DCC: variants seen among roughly 807,000 people sequenced by gnomAD.
DCC encodes DCC netrin 1 receptor, also known as netrin receptor DCC.
A neutral mutation model predicts 172.5 loss-of-function variants in DCC; 58 were observed. That is an observed-to-expected ratio of 0.34 (90% confidence interval 0.27 to 0.42). The LOEUF (loss-of-function observed/expected upper bound fraction) is 0.42. Ranked by LOEUF, DCC falls within the 10% of genes least tolerant of loss-of-function variation. DCC has a pLI of 1.00. For missense variants in DCC, 1,740 were observed against 1,791.0 expected (o/e 0.97, Z 0.51); for synonymous variants, 709 against 644.5 (o/e 1.10, Z -1.52).
intron 12 of DCC, among the ~76,000 whole-genome samples, chr18:53,226,950 T>TA (rs1568377335): frequency 0.13 from 866 of 6,788 alleles, 25 homozygotes; most frequent in Admixed American, 0.32. Flanking sequence ...ATATATATAT[T>TA]TTTTTTTTTT....
intron 1 of DCC, among the ~76,000 whole-genome samples, chr18:52,352,961 C>G (rs750660280): frequency 6.6e-6 from 1 of 152,170 alleles, no homozygotes; most frequent in Non-Finnish European, 1.5e-5. Context: ...GAATACTGCT[C>G]TAGATGACTG....
chr18:53,297,798 C>T (rs183971088), intron 12 of DCC, among the ~76,000 whole-genome samples: 1 of 152,146 alleles, frequency 6.6e-6, no homozygotes, highest in Non-Finnish European at 1.5e-5. Context: ...TAATTTGGAG[C>T]CTCCAGCTGT....
chr18:52,703,967 T>C (rs77925948), intron 1 of DCC, among the ~76,000 whole-genome samples: 1,979 of 152,204 alleles, frequency 0.013, 35 homozygotes, highest in African/African-American at 0.045. Flanking sequence ...AAACTTGAAA[T>C]TGAGACACTG....
chr18:53,391,707 G>GGTCCCAGATCTCTCCACCCCC lies in DCC; in HGVS notation c.2509_2529dup (p.Val837_Pro843dup). Reference sequence around the variant, plus strand: ...CTTTGCTTGATGATTTCCCCACCTCGGTCCCAGATCTCTCCACCCCCATGC... The same window carrying GGTCCCAGATCTCTCCACCCCC: ...CTTTGCTTGATGATTTCCCCACCTCGGTCCCAGATCTCTCCACCCCCGTCCCAGATCTCTCCACCCCCATGC... On this transcript the variant is annotated inframe_insertion, in exon 17 of 29. Coordinates refer to ENST00000442544, the MANE Select transcript of DCC (RefSeq NM_005215.4). 1 of 1,613,926 alleles carries GGTCCCAGATCTCTCCACCCCC rather than the reference G, an allele frequency of 6.2e-7. No homozygotes were observed. The highest frequency in any genetic ancestry group is 8.5e-7 in the Non-Finnish European group (1 of 1,179,980).
At chr18:52,971,968 C>T (rs1348502751) in intron 5 of DCC, among the ~76,000 whole-genome samples, 1 of 152,200 alleles carries the variant, frequency 6.6e-6, no homozygotes, top group Non-Finnish European at 1.5e-5. Flanking sequence ...AACACCACTT[C>T]CCCTCTGTCT....
At chr18:52,661,936 G>T (rs1157930304) in intron 1 of DCC, among the ~76,000 whole-genome samples, 1 of 152,120 alleles carries the variant, frequency 6.6e-6, no homozygotes, top group Non-Finnish European at 1.5e-5. Context: ...AAAGTGTTCA[G>T]AAATTAAAAA....
At chr18:52,413,665 TTATCTC>T (rs1986917805) in intron 1 of DCC, among the ~76,000 whole-genome samples, 2 of 152,230 alleles carry the variant, frequency 1.3e-5, no homozygotes, top group South Asian at 2.1e-4. Flanking sequence ...ATTAGTACCT[TTATCTC>T]TATGAGGTTT....
intron 7 of DCC, among the ~76,000 whole-genome samples, chr18:53,118,477 GT>G (rs1568315421): frequency 3.3e-5 from 5 of 151,666 alleles, no homozygotes; most frequent in African/African-American, 4.8e-5. Flanking sequence ...GCTTTCACTT[GT>G]TTCACTGACG....
chr18:52,734,653 G>A (rs2036697527), intron 1 of DCC, among the ~76,000 whole-genome samples: 1 of 151,848 alleles, frequency 6.6e-6, no homozygotes, highest in Non-Finnish European at 1.5e-5. Context: ...TAGACCCAGT[G>A]GAAAGTAATT....
chr18:53,115,695 T>A (rs1364494776), intron 7 of DCC, among the ~76,000 whole-genome samples: 2 of 151,718 alleles, frequency 1.3e-5, no homozygotes, highest in Non-Finnish European at 3.0e-5. Flanking sequence ...TATTCTTTTA[T>A]GATAAAAATC....
At chr18:53,344,737 C>A (rs1200143551) in intron 15 of DCC, among the ~76,000 whole-genome samples, 7 of 151,618 alleles carry the variant, frequency 4.6e-5, no homozygotes, top group African/African-American at 1.5e-4. Flanking sequence ...CCACACCCAG[C>A]CTAAATTTGA....
At chr18:53,005,434 A>C (rs533203544) in intron 5 of DCC, among the ~76,000 whole-genome samples, 1 of 152,146 alleles carries the variant, frequency 6.6e-6, no homozygotes, top group East Asian at 1.9e-4. Flanking sequence ...TGAAATGCCT[A>C]CTTATAAAGA....
At chr18:52,472,789 C>T (rs1988984481) in intron 1 of DCC, among the ~76,000 whole-genome samples, 1 of 152,082 alleles carries the variant, frequency 6.6e-6, no homozygotes, top group Non-Finnish European at 1.5e-5. Context: ...CCTATAGTCC[C>T]AGCTACTTGG....
chr18:52,821,936 A>T (rs1438463517), intron 2 of DCC, among the ~76,000 whole-genome samples: 2 of 152,224 alleles, frequency 1.3e-5, no homozygotes, highest in African/African-American at 4.8e-5. Context: ...ACACAAACAT[A>T]ATTTATCAAT....
intron 1 of DCC, among the ~76,000 whole-genome samples, chr18:52,504,461 C>T (rs77918635): frequency 1.7e-3 from 264 of 152,166 alleles, no homozygotes; most frequent in African/African-American, 5.2e-3. Flanking sequence ...AATGAAAGCT[C>T]GCAGCTCACA....
intron 7 of DCC, among the ~76,000 whole-genome samples, chr18:53,155,193 G>A (rs2054710628): frequency 6.6e-6 from 1 of 151,970 alleles, no homozygotes; most frequent in Non-Finnish European, 1.5e-5. Flanking sequence ...AGAAAATGGG[G>A]TATTTCCACT....
intron 7 of DCC, among the ~76,000 whole-genome samples, chr18:53,073,439 G>T (rs2042682393): frequency 6.6e-6 from 1 of 151,972 alleles, no homozygotes; most frequent in African/African-American, 2.4e-5. Context: ...GCAGGAGAAT[G>T]GTATGAAACC....
chr18:52,924,100 C>A (rs2040164645), intron 4 of DCC, among the ~76,000 whole-genome samples: 1 of 152,044 alleles, frequency 6.6e-6, no homozygotes, highest in African/African-American at 2.4e-5. Context: ...GAAGTCAGGG[C>A]TGCCTTTGAG....
intron 5 of DCC, among the ~76,000 whole-genome samples, chr18:53,052,403 CT>C (rs1414467827): frequency 1.3e-5 from 2 of 151,974 alleles, no homozygotes; most frequent in African/African-American, 4.8e-5. Flanking sequence ...CCCATCCCCC[CT>C]TTTTCTTTCA....
Sources: allele counts gnomAD v4.1 joint callset (sites outside exome capture counted in the v4.1 genomes callset), GRCh38; gene constraint gnomAD v4.1.1; transcripts MANE v1.5; gene names NCBI Gene and HGNC (gene_info 2026-07-23, HGNC 2026-07-21).